Variants in LIG4 observed in about 807,000 individuals in gnomAD.
LIG4 encodes the protein DNA ligase 4.
A neutral mutation model predicts 19.0 loss-of-function variants in LIG4; 13 were observed. The observed-to-expected ratio is 0.68, with a 90% CI of 0.44 to 1.09. LIG4 has a LOEUF of 1.09. Ranked by LOEUF, LIG4 falls within the 50% of genes least tolerant of loss-of-function variation. The pLI is 0.00. For synonymous variants in LIG4, 361 were observed against 358.2 expected, an observed-to-expected ratio of 1.01 and a Z score of -0.09; for missense variants, 1,026 against 1,089.7, an observed-to-expected ratio of 0.94 and a Z score of 0.82.
chr13:108,208,510 T>G lies in LIG4; in HGVS notation c.*23A>C. On this transcript the variant is annotated 3_prime_UTR_variant, in exon 3 of 3. Transcript: ENST00000442234. Reference sequence around the variant, plus strand: ...GCAATGAGTCTGCCAGATCAGAGGCTTTCCTCACTAGGAAACCTAGCTTTA... The same window carrying G: ...GCAATGAGTCTGCCAGATCAGAGGCGTTCCTCACTAGGAAACCTAGCTTTA... 6.7e-7 allele frequency: 1 copy of G among 1,489,184 alleles called. No homozygotes were observed. Among genetic ancestry groups the G allele is most frequent in the Non-Finnish European group, 9.4e-7 (1 of 1,068,638 alleles). 92.2% of individuals were successfully genotyped at this position (1,489,184 alleles called of 1,614,324 possible).
chr13:108,209,969 G>T lies in LIG4; in HGVS notation c.1300C>A (p.Pro434Thr). ...TTGTCTGGCTTGTAGATGGATAGAGGTTGTTTTACCATAATTCCCTCTTCT... is the reference window on the plus strand; with the variant it reads ...TTGTCTGGCTTGTAGATGGATAGAGTTTGTTTTACCATAATTCCCTCTTCT... ...KREEGIMVKQ[P>T]LSIYKPDKRG... Residue 434 changes from proline (P) to threonine (T), a missense_variant, in exon 3 of 3, where the codon CCT (proline) becomes ACT (threonine). Pro to Thr is a conservative substitution (Grantham distance 38). Transcript: ENST00000442234. 1 of 1,613,268 alleles carries T rather than the reference G, an allele frequency of 6.2e-7. No individual in the cohort carries two copies. Among genetic ancestry groups the T allele is most frequent in the Non-Finnish European group, 8.5e-7 (1 of 1,179,930 alleles).
chr13:108,218,294 C>T (rs1383528228), upstream of LIG4: 1 of 152,320 alleles, frequency 6.6e-6, no homozygotes, highest in Non-Finnish European at 1.5e-5. Context: ...ATCCCTAGGT[C>T]CTGGAGCAGG....
chr13:108,217,587 G>C (rs113867226), upstream of LIG4, among the ~76,000 whole-genome samples: 5,682 of 151,360 alleles, frequency 0.038, 363 homozygotes, highest in African/African-American at 0.13. Context: ...ATCCCAGCTA[G>C]GTCAGAGGCT....
chr13:108,211,618 C>T (rs1031892900), intron 2 of LIG4, among the ~76,000 whole-genome samples: 2 of 152,124 alleles, frequency 1.3e-5, no homozygotes, highest in Non-Finnish European at 2.9e-5. Flanking sequence ...ATAATACAAA[C>T]AAATATTGCT....
chr13:108,212,527 C>T (rs1205811924), intron 2 of LIG4, among the ~76,000 whole-genome samples: 1 of 151,960 alleles, frequency 6.6e-6, no homozygotes, highest in Non-Finnish European at 1.5e-5. Flanking sequence ...ATGTATGGTC[C>T]ATGAATAGAA....
At chr13:108,216,421 C>A (rs575858376), upstream of LIG4, among the ~76,000 whole-genome samples, 1 of 152,184 alleles carries the variant, frequency 6.6e-6, no homozygotes, top group South Asian at 2.1e-4. Flanking sequence ...CATATTAGAG[C>A]TGTTAAGTGC....
At position 108,209,103 on chromosome 13, in the gene LIG4, C is replaced by T. The variant is rs1313749170; in HGVS notation, c.2166G>A (p.Lys722=). The change falls in exon 3 of 3, where the codon AAG becomes AAA. Residue 722 remains lysine (K), a synonymous_variant. Coordinates refer to ENST00000442234, the MANE Select transcript of LIG4 (RefSeq NM_206937.2). ...IILSNKHDVV[K]PAWLLECFKT... ...TAAAACATTCTAAAAGCCATGCAGG[C>T]TTGACAACATCATGTTTATTTGACA... 6.2e-7 allele frequency: 1 copy of T among 1,614,168 alleles called. No homozygotes were observed. Among genetic ancestry groups the T allele is most frequent in the Admixed American group, 1.7e-5 (1 of 60,024 alleles).
intron 2 of LIG4, among the ~76,000 whole-genome samples, chr13:108,213,985 CTT>C (rs1171224436): frequency 5.3e-5 from 8 of 152,158 alleles, no homozygotes; most frequent in Non-Finnish European, 1.2e-4. Context: ...AAGCTTCACT[CTT>C]TAACAATAAG....
Position 108,209,596 on chromosome 13 carries a change from T to C in LIG4, c.1673A>G (p.Gln558Arg), listed in dbSNP as rs751409106. ...GGGTACGATCTCTGCTGCTTTAATC[T>C]GAACAATGACAGAATTACAAGGTTC... ...YIEPCNSVIV[Q>R]IKAAEIVPSD... The change falls in exon 3 of 3, where the codon CAG becomes CGG. Residue 558 changes from glutamine (Q) to arginine (R), a missense_variant. Transcript: ENST00000442234. The C allele has an allele frequency of 6.2e-7, 1 of 1,614,172 alleles. No individual in the cohort carries two copies. Among genetic ancestry groups the C allele is most frequent in the Non-Finnish European group, 8.5e-7 (1 of 1,180,014 alleles).
Position 108,209,959 on chromosome 13 carries a change from A to T in LIG4, c.1310T>A (p.Ile437Asn). The part of the protein sequence containing the change: ...EGIMVKQPLS[I>N]YKPDKRGEGW... ...TTCACCTCTTTTGTCTGGCTTGTAG[A>T]TGGATAGAGGTTGTTTTACCATAAT... Residue 437 changes from isoleucine (I) to asparagine (N), a missense_variant, in exon 3 of 3, where the codon ATC (isoleucine) becomes AAC (asparagine). Physicochemically the swap from Ile to Asn is moderately radical, Grantham distance 149. This residue lies in a region of LIG4 where 493 missense variants were observed against 544.5 expected (regional missense o/e 0.91). Coordinates refer to ENST00000442234, the MANE Select transcript of LIG4 (RefSeq NM_206937.2). 6.2e-7 allele frequency: 1 copy of T among 1,613,618 alleles called. No homozygotes were observed. The highest frequency in any genetic ancestry group is 8.5e-7 in the Non-Finnish European group (1 of 1,179,942).
intron 2 of LIG4, among the ~76,000 whole-genome samples, chr13:108,213,098 G>T (rs1878834471): frequency 6.6e-6 from 1 of 152,158 alleles, no homozygotes; most frequent in Non-Finnish European, 1.5e-5. Flanking sequence ...GAGTGGGTTA[G>T]ATCGAGGGAT....
At chr13:108,217,389 C>G (rs1400002017), upstream of LIG4, among the ~76,000 whole-genome samples, 1 of 152,112 alleles carries the variant, frequency 6.6e-6, no homozygotes, top group Admixed American at 6.5e-5. Flanking sequence ...CGTGGTGGCG[C>G]ATGCCTGTAA....
Position 108,208,979 on chromosome 13 carries a change from T to C in LIG4, c.2290A>G (p.Ser764Gly). 6.2e-7 allele frequency: 1 copy of C among 1,614,160 alleles called. No individual in the cohort carries two copies. The highest frequency in any genetic ancestry group is 8.5e-7 in the Non-Finnish European group (1 of 1,180,020). ...TTCAAGTCTGTATCAATGAAATAAC[T>C]ATCACCATAGCAATCATATTCACGG... ...FAREYDCYGDSYFIDTDLNQL... is the reference protein window; with the variant it reads ...FAREYDCYGDGYFIDTDLNQL... Residue 764 changes from serine to glycine, a missense_variant, in exon 3 of 3, where the codon AGT becomes GGT. By Grantham distance (56) the Ser-to-Gly change is moderately conservative. Around this residue, in one of 3 missense-constraint regions of LIG4, gnomAD observed 521 missense variants for 515.5 expected, o/e 1.01. Coordinates refer to ENST00000442234, the MANE Select transcript of LIG4 (RefSeq NM_206937.2).
intron 2 of LIG4, among the ~76,000 whole-genome samples, chr13:108,212,755 ATAC>A: frequency 6.6e-6 from 1 of 151,756 alleles, no homozygotes; most frequent in East Asian, 1.9e-4. Context: ...GCTAATTACA[ATAC>A]TACATTTACT....
chr13:108,217,111 G>A (rs1879340032), upstream of LIG4, among the ~76,000 whole-genome samples: 1 of 152,222 alleles, frequency 6.6e-6, no homozygotes, highest in African/African-American at 2.4e-5. Context: ...CGGGCCAGTG[G>A]CTAATGCCTG....
rs752644835 is a variant in LIG4 at position 108,211,113 on chromosome 13, A to G, written c.156T>C (p.Ala52=). 2 of 1,611,518 alleles carry G rather than the reference A, an allele frequency of 1.2e-6. No individual in the cohort carries two copies. The highest frequency in any genetic ancestry group is 2.2e-5 in the South Asian group (2 of 90,866). Residue 52 remains alanine (A), a synonymous_variant, in exon 3 of 3, where the codon GCT becomes GCC. Coordinates refer to ENST00000442234, the MANE Select transcript of LIG4 (RefSeq NM_206937.2). ...FLDSWRKFHD[A]LHKNHKDVTD... ...TGACATCTTTGTGGTTCTTATGAAGAGCATCATGAAATTTTCTCCAAGAAT... is the reference window on the plus strand; with the variant it reads ...TGACATCTTTGTGGTTCTTATGAAGGGCATCATGAAATTTTCTCCAAGAAT...
Position 108,210,835 on chromosome 13 carries a change from A to G in LIG4, c.434T>C (p.Ile145Thr). The change falls in exon 3 of 3, where the codon ATA becomes ACA. Residue 145 changes from isoleucine to threonine, a missense_variant. Physicochemically the swap from Ile to Thr is moderately conservative, Grantham distance 89. This residue lies in a region of LIG4 where 493 missense variants were observed against 544.5 expected (regional missense o/e 0.91). Coordinates refer to ENST00000442234, the MANE Select transcript of LIG4 (RefSeq NM_206937.2). ...PRCLQKGSLTIQQVNDLLDSI... is the reference protein window; with the variant it reads ...PRCLQKGSLTTQQVNDLLDSI... ...GTCTAAAAGGTCGTTTACTTGCTGTATGGTTAAACTTCCTTTCTGTAAACA... is the reference window on the plus strand; with the variant it reads ...GTCTAAAAGGTCGTTTACTTGCTGTGTGGTTAAACTTCCTTTCTGTAAACA... 1.2e-6 allele frequency: 2 copies of G among 1,613,962 alleles called. No individual in the cohort carries two copies. Among genetic ancestry groups the G allele is most frequent in the Non-Finnish European group, 1.7e-6 (2 of 1,179,938 alleles).
chr13:108,214,526 C>T lies in LIG4; in HGVS notation c.-29+12G>A, dbSNP rs1266894705. On this transcript the variant is annotated intron_variant, in intron 2 of 2. Transcript: ENST00000442234. ...ACTCTCCCCCAACCCTTCACGGATT[C>T]CCAGTGAATACCTGGCCTCGGGCAA... 6.6e-6 allele frequency: 1 copy of T among 152,128 alleles called. No individual in the cohort carries two copies. Among genetic ancestry groups the T allele is most frequent in the Admixed American group, 6.5e-5 (1 of 15,272 alleles). 9.4% of individuals were successfully genotyped at this position (152,128 alleles called of 1,614,324 possible).
chr13:108,211,025 A>T lies in LIG4; in HGVS notation c.244T>A (p.Tyr82Asn). The T allele has an allele frequency of 6.2e-7, 1 of 1,602,548 alleles. No homozygotes were observed. Among genetic ancestry groups the T allele is most frequent in the Non-Finnish European group, 8.5e-7 (1 of 1,176,182 alleles). Residue 82 changes from tyrosine to asparagine, a missense_variant, in exon 3 of 3, where the codon TAT (tyrosine) becomes AAT (asparagine). This residue lies in a region of LIG4 where 493 missense variants were observed against 544.5 expected (regional missense o/e 0.91). Transcript: ENST00000442234. ...LPQLERERMA[Y>N]GIKETMLAKL... is the part of the protein sequence containing the mutation. ...GCAAGCATAGTTTCTTTAATTCCAT[A>T]GGCCATTCTCTCTCTTTCTAGCTGA... is the stretch of plus-strand genomic sequence containing the variant.
Sources: gnomAD v4.1 joint callset for allele counts (sites outside exome capture counted in the v4.1 genomes callset) on GRCh38, gnomAD v4.1.1 for gene constraint, gnomAD v4.1.1 regional missense constraint, MANE v1.5 for transcripts, NCBI Gene and HGNC (gene_info 2026-07-23, HGNC 2026-07-21) for gene names.